Variants in CSGALNACT2 observed in about 807,000 individuals in gnomAD.
CSGALNACT2 encodes the protein beta 4 GalNAcT-2.
A neutral mutation model predicts 55.3 loss-of-function variants in CSGALNACT2; 35 were observed. That is an observed-to-expected ratio of 0.63 (90% CI 0.48 to 0.84). The LOEUF is 0.84. Among genes scored for constraint, CSGALNACT2 ranks in the 40% least tolerant of loss-of-function variants. The probability of loss-of-function intolerance (pLI) is 0.00; values close to 1 mark genes in which losing one functional copy is unlikely to be tolerated. For synonymous variants in CSGALNACT2, 196 were observed against 224.9 expected (o/e 0.87, Z 1.15); for missense variants, 544 against 657.5 (o/e 0.83, Z 1.89).
chr10:43,180,489 C>G (rs1839569921), intron 7 of CSGALNACT2, among the ~76,000 whole-genome samples: 1 of 152,158 alleles, frequency 6.6e-6, no homozygotes, highest in Non-Finnish European at 1.5e-5. Context: ...TGCTTATGTT[C>G]CGCATCTTGT....
chr10:43,159,053 G>C, intron 3 of CSGALNACT2, 122 bp downstream of exon 3: 1 of 625,466 alleles, frequency 1.6e-6, no homozygotes, highest in Non-Finnish European at 2.8e-6. Flanking sequence ...GGCTTTAGGG[G>C]AACTTTATTT....
chr10:43,141,710 C>T (rs1336296772), intron 1 of CSGALNACT2, among the ~76,000 whole-genome samples: 2 of 146,504 alleles, frequency 1.4e-5, no homozygotes, highest in Non-Finnish European at 3.0e-5. Context: ...CAATATACAT[C>T]TAATAGGAGT....
intron 1 of CSGALNACT2, among the ~76,000 whole-genome samples, chr10:43,140,841 C>T (rs1392520811): frequency 6.6e-6 from 1 of 152,204 alleles, no homozygotes; most frequent in Admixed American, 6.5e-5. Context: ...ATACTACTAG[C>T]ACATTTATAA....
chr10:43,159,528 A>G (rs1839098987), intron 3 of CSGALNACT2, among the ~76,000 whole-genome samples: 1 of 152,124 alleles, frequency 6.6e-6, no homozygotes, highest in African/African-American at 2.4e-5. Context: ...ACAAACGTAT[A>G]CACTCACGAA....
chr10:43,168,277 C>T (rs1018927808), intron 6 of CSGALNACT2, among the ~76,000 whole-genome samples: 2 of 151,910 alleles, frequency 1.3e-5, no homozygotes, highest in Admixed American at 1.3e-4. Flanking sequence ...ATGGTGAAAC[C>T]CCGTCTGTAT....
intron 6 of CSGALNACT2, among the ~76,000 whole-genome samples, chr10:43,173,831 A>G (rs892319570): frequency 1.3e-5 from 2 of 152,072 alleles, no homozygotes; most frequent in Non-Finnish European, 2.9e-5. Context: ...TGTCTCTACT[A>G]TAAATACCAA....
intron 6 of CSGALNACT2, among the ~76,000 whole-genome samples, chr10:43,171,735 C>T (rs1839386922): frequency 6.6e-6 from 1 of 152,170 alleles, no homozygotes; most frequent in Admixed American, 6.5e-5. Flanking sequence ...TGTTGCATAG[C>T]AACTTAAGTT....
Position 43,160,513 on chromosome 10 carries a change from G to T in CSGALNACT2, c.898G>T (p.Asp300Tyr), listed in dbSNP as rs1158382520. ...TGTTAGGGATGTTTGTATTCATCAAGACAAGAAGATTCATCTCACAGTGGT... is the reference window on the plus strand; with the variant it reads ...TGTTAGGGATGTTTGTATTCATCAATACAAGAAGATTCATCTCACAGTGGT... ...QNFRDVCIHQ[D>Y]KKIHLTVVYF... Residue 300 changes from aspartate (D) to tyrosine (Y), a missense_variant, in exon 4 of 8, where the codon GAC becomes TAC. By Grantham distance (160) the Asp-to-Tyr change is radical (BLOSUM62 -3). Transcript: ENST00000374466. The T allele has an allele frequency of 2.6e-6, 4 of 1,568,444 alleles. No individual in the cohort carries two copies. The highest frequency in any genetic ancestry group is 3.5e-6 in the Non-Finnish European group (4 of 1,140,584).
In CSGALNACT2 at chr10:43,175,951, G is replaced by A. The variant is rs116694433; in HGVS notation, c.1255G>A (p.Val419Ile). ...TTCTGTTTTTTTTTTTTTAACTAAGGTTCACAAAAAGGATTCTGGCTTTTG... is the reference window on the plus strand; with the variant it reads ...TTCTGTTTTTTTTTTTTTAACTAAGATTCACAAAAAGGATTCTGGCTTTTG... Reference protein sequence around the residue: ...EVPPPVEQQLVHKKDSGFWRD... With the variant: ...EVPPPVEQQLIHKKDSGFWRD... Residue 419 changes from valine (V) to isoleucine (I), a missense_variant and splice_region_variant, in exon 7 of 8, where the codon GTT (valine) becomes ATT (isoleucine). Val to Ile is a conservative substitution (Grantham distance 29). Transcript: ENST00000374466. 1,746 of 1,588,152 alleles carry A rather than the reference G, an allele frequency of 1.1e-3. 13 individuals are homozygous for A. The African/African-American group carries it at 0.021, about 19-fold the overall frequency.
intron 6 of CSGALNACT2, among the ~76,000 whole-genome samples, chr10:43,167,936 AATAG>A (rs1431286702): frequency 1.3e-5 from 2 of 152,138 alleles, no homozygotes; most frequent in African/African-American, 4.8e-5. Flanking sequence ...ATAAAACAAA[AATAG>A]ATTGAGAAAT....
At chr10:43,159,651 A>G (rs543327594) in intron 3 of CSGALNACT2, among the ~76,000 whole-genome samples, 3 of 152,360 alleles carry the variant, frequency 2.0e-5, no homozygotes, top group South Asian at 2.1e-4. Flanking sequence ...TAAACTAAAA[A>G]TTGGAGAAAG....
intron 3 of CSGALNACT2, 60 bp downstream of exon 3, chr10:43,158,991 A>G: frequency 1.0e-6 from 1 of 959,644 alleles, no homozygotes. Context: ...CGTTTTACTC[A>G]GATTTCCTTA....
At chr10:43,155,914 T>C in intron 2 of CSGALNACT2, 104 bp downstream of exon 2, 1 of 986,590 alleles carries the variant, frequency 1.0e-6, no homozygotes, top group Non-Finnish European at 1.5e-6. Context: ...AATGCTAGTA[T>C]TGTATTGTAG....
At chr10:43,143,961 C>T (rs1420314562) in intron 1 of CSGALNACT2, among the ~76,000 whole-genome samples, 3 of 152,174 alleles carry the variant, frequency 2.0e-5, no homozygotes, top group Non-Finnish European at 4.4e-5. Flanking sequence ...TAATCAAGAA[C>T]TTATCAAGAA....
At position 43,171,509 on chromosome 10, in the gene CSGALNACT2, C is replaced by T. The variant is rs182693659; in HGVS notation, c.1254+4411C>T. On this transcript the variant is annotated intron_variant, in intron 6 of 7. Coordinates refer to ENST00000374466, the MANE Select transcript of CSGALNACT2 (RefSeq NM_018590.5). ...CTGGGATTACAGGCACACACCACCACGCCCAGCTAATTTTTGTATTTTTAG... is the reference window on the plus strand; with the variant it reads ...CTGGGATTACAGGCACACACCACCATGCCCAGCTAATTTTTGTATTTTTAG... 2.9e-3 allele frequency among the ~76,000 whole-genome samples: 441 copies of T among 152,184 alleles called. 2 individuals are homozygous for T. Among genetic ancestry groups the T allele is most frequent in the Non-Finnish European group, 4.2e-3 (284 of 68,006 alleles).
chr10:43,155,285 G>A lies in CSGALNACT2; in HGVS notation c.136G>A (p.Gly46Ser). Residue 46 changes from glycine (G) to serine (S), a missense_variant, in exon 2 of 8, where the codon GGT (glycine) becomes AGT (serine). By Grantham distance (56) the Gly-to-Ser change is moderately conservative. Coordinates refer to ENST00000374466, the MANE Select transcript of CSGALNACT2 (RefSeq NM_018590.5). Reference sequence around the variant, plus strand: ...GACTGATGGAAATGCATCTCTTCCTGGTGTTGTTGGGGAAAATTATGGTAA... The same window carrying A: ...GACTGATGGAAATGCATCTCTTCCTAGTGTTGTTGGGGAAAATTATGGTAA... The part of the protein sequence containing the change: ...PQTDGNASLP[G>S]VVGENYGKEY... 15 of 1,614,048 alleles carry A rather than the reference G, an allele frequency of 9.3e-6. No individual in the cohort carries two copies. The highest frequency in any genetic ancestry group is 1.3e-5 in the Non-Finnish European group (15 of 1,180,016).
At chr10:43,140,382 A>G (rs534738436) in intron 1 of CSGALNACT2, among the ~76,000 whole-genome samples, 2 of 152,336 alleles carry the variant, frequency 1.3e-5, no homozygotes, top group South Asian at 4.1e-4. Flanking sequence ...TTTTAATGTA[A>G]TAGAATTTGT....
intron 6 of CSGALNACT2, among the ~76,000 whole-genome samples, chr10:43,171,347 T>C (rs925508109): frequency 6.6e-6 from 1 of 151,236 alleles, no homozygotes; most frequent in Non-Finnish European, 1.5e-5. Flanking sequence ...AAAAGCATGC[T>C]AATACTCTTT....
At chr10:43,141,624 CAAAAAAAA>C (rs58889701) in intron 1 of CSGALNACT2, among the ~76,000 whole-genome samples, 19 of 68,930 alleles carry the variant, frequency 2.8e-4, no homozygotes, top group South Asian at 7.4e-4. Flanking sequence ...GAAACTGTCT[CAAAAAAAA>C]AAAAAAAAAA....
Sources: gnomAD v4.1 joint callset for allele counts (sites outside exome capture counted in the v4.1 genomes callset) on GRCh38, gnomAD v4.1.1 for gene constraint, MANE v1.5 for transcripts, NCBI Gene and HGNC (gene_info 2026-07-23, HGNC 2026-07-21) for gene names.